The following MROH1 variants were observed in gnomAD, a reference collection of about 807,000 sequenced individuals.
MROH1 encodes maestro heat like repeat family member 1.
Under a neutral mutation model 116.5 loss-of-function variants are expected in MROH1, and 117 were observed. The observed-to-expected ratio is 1.00, with a 90% confidence interval of 0.86 to 1.17. The LOEUF (loss-of-function observed/expected upper bound fraction) is 1.17, where lower values mean the gene tolerates loss of function less well. Ranked by LOEUF, MROH1 falls within the 50% of genes most tolerant of loss-of-function variation. MROH1 has a pLI of 0.00. For missense variants in MROH1, 1,873 were observed against 1,338.5 expected, an observed-to-expected ratio of 1.40 and a Z score of -6.23; for synonymous variants, 921 against 583.9, an observed-to-expected ratio of 1.58 and a Z score of -8.32.
intron 10 of MROH1, among the ~76,000 whole-genome samples, chr8:144,195,032 A>T (rs1188564315): frequency 6.6e-6 from 1 of 151,620 alleles, no homozygotes; most frequent in African/African-American, 2.4e-5. Flanking sequence ...TACAATAGCA[A>T]CAGAAACTTA....
At chr8:144,251,066 G>C (rs1346557213) in intron 33 of MROH1, 1 of 161,254 alleles carries the variant, frequency 6.2e-6, no homozygotes, top group Non-Finnish European at 1.4e-5. Context: ...GCAAGGCAGA[G>C]TGACCCTTCC....
Position 144,261,285 on chromosome 8 carries a change from G to A in MROH1, c.4776G>A (p.Gly1592=). 6 of 742,330 alleles carry A rather than the reference G, an allele frequency of 8.1e-6. No individual in the cohort carries two copies. Among genetic ancestry groups the A allele is most frequent in the South Asian group, 5.6e-5 (4 of 71,284 alleles). The allele number at this position is 742,330 out of a possible 1,614,324, so 46.0% of individuals were successfully genotyped here. The part of the protein sequence containing the change: ...NVRAAAPLFT[G]FLVLHSEPRQ... ...CCGCCTGATGCCCCCACTTCACAGG[G>A]TTCCTGGTGCTGCACTCGGAGCCCA... The change falls in exon 43 of 44, where the codon GGG becomes GGA. Residue 1592 remains glycine, a splice_region_variant and synonymous_variant. Coordinates refer to ENST00000326134, the MANE Select transcript of MROH1 (RefSeq NM_032450.3).
At position 144,248,693 on chromosome 8, in the gene MROH1, GAGA is replaced by G. The variant is rs1477584111; in HGVS notation, c.3121-181_3121-179del. 2.0e-5 allele frequency among the ~76,000 whole-genome samples: 3 copies of G among 152,240 alleles called. No homozygotes were observed. The East Asian group carries it at 5.8e-4, about 29-fold the overall frequency. On this transcript the variant is annotated intron_variant, in intron 31 of 43. Coordinates refer to ENST00000326134, the MANE Select transcript of MROH1 (RefSeq NM_032450.3). ...TTCCAGCAGGCCCTGGCAGGTTCCG[GAGA>G]AGGAGACCCCACCCCCGTGCAGCGA... is the stretch of plus-strand genomic sequence containing the variant.
At chr8:144,156,645 G>T (rs1365374222) in intron 1 of MROH1, among the ~76,000 whole-genome samples, 1 of 122,550 alleles carries the variant, frequency 8.2e-6, no homozygotes, top group Non-Finnish European at 1.6e-5. Context: ...GGAGGCAGAG[G>T]TTGCAGTGAG....
intron 1 of MROH1, among the ~76,000 whole-genome samples, chr8:144,152,374 G>A (rs1817004251): frequency 7.2e-6 from 1 of 138,112 alleles, no homozygotes; most frequent in African/African-American, 2.6e-5. Flanking sequence ...TAACTGCCTT[G>A]TTTTTTTATT....
chr8:144,258,385 G>A (rs1261181676), intron 35 of MROH1, among the ~76,000 whole-genome samples: 2 of 152,220 alleles, frequency 1.3e-5, no homozygotes, highest in Non-Finnish European at 2.9e-5. Flanking sequence ...CTGGGGTACA[G>A]GTGTGAGAAC....
chr8:144,188,674 C>G (rs1441807618), intron 7 of MROH1, among the ~76,000 whole-genome samples: 1 of 151,880 alleles, frequency 6.6e-6, no homozygotes, highest in Non-Finnish European at 1.5e-5. Context: ...CAACATGTTG[C>G]CCAGGATGGT....
At chr8:144,205,678 T>G (rs1179158494) in intron 12 of MROH1, among the ~76,000 whole-genome samples, 2 of 152,142 alleles carry the variant, frequency 1.3e-5, no homozygotes, top group Non-Finnish European at 2.9e-5. Context: ...CTGTTTTATC[T>G]CAAGAGACCT....
intron 35 of MROH1, among the ~76,000 whole-genome samples, chr8:144,257,626 C>T (rs1005494026): frequency 6.6e-6 from 1 of 152,224 alleles, no homozygotes; most frequent in Non-Finnish European, 1.5e-5. Context: ...GGGCCTCACA[C>T]ACCATCCAGG....
chr8:144,180,309 G>A lies in MROH1; in HGVS notation c.432G>A (p.Leu144=). The A allele has an allele frequency of 6.2e-7, 1 of 1,606,942 alleles. No homozygotes were observed. Among genetic ancestry groups the A allele is most frequent in the Non-Finnish European group, 8.5e-7 (1 of 1,179,538 alleles). Residue 144 remains leucine, a synonymous_variant, in exon 6 of 44, where the codon CTG becomes CTA. Coordinates refer to ENST00000326134, the MANE Select transcript of MROH1 (RefSeq NM_032450.3). This position sits in a 1 kb window ranked among gnomAD's most constrained non-coding sequence, Gnocchi z 7.4. ...GGACCCTGCCACACTGCGCCGTGCT[G>A]CACACCCTCGCCAGCCTCTCGGTGG... ...HPGTLPHCAV[L]HTLASLSVAN... is the part of the protein sequence containing the mutation.
chr8:144,241,773 C>T (rs1032729394), intron 22 of MROH1, among the ~76,000 whole-genome samples: 3 of 152,340 alleles, frequency 2.0e-5, no homozygotes, highest in African/African-American at 7.2e-5. Context: ...GAGAGGGGTT[C>T]GCGGCTGGGG....
At chr8:144,259,773 C>T (rs542532639) in intron 37 of MROH1, 138 bp from the exon 38 acceptor site, 21 of 688,220 alleles carry the variant, frequency 3.1e-5, no homozygotes, top group African/African-American at 1.1e-4. Context: ...CGCCACTGAT[C>T]GGAGACCCAG....
Position 144,242,354 on chromosome 8 carries a change from C to T in MROH1, c.2179-15C>T. ...TTGTGTAACTGAAGTCCCGCTGGTTCCTCTGGCCTCTCAGGATCGAAGTGA... is the reference window on the plus strand; with the variant it reads ...TTGTGTAACTGAAGTCCCGCTGGTTTCTCTGGCCTCTCAGGATCGAAGTGA... On this transcript the variant is annotated splice_polypyrimidine_tract_variant and intron_variant, in intron 22 of 43. Transcript: ENST00000326134. 2.6e-6 allele frequency: 2 copies of T among 780,680 alleles called. No individual in the cohort carries two copies. The highest frequency in any genetic ancestry group is 4.8e-6 in the Non-Finnish European group (2 of 417,836). The allele number at this position is 780,680 out of a possible 1,614,324, so 48.4% of individuals were successfully genotyped here. A position where few individuals can be genotyped will look rare whatever the true frequency, so the allele number is the denominator to read the frequency against.
At chr8:144,173,589 C>T (rs1456889197) in intron 4 of MROH1, among the ~76,000 whole-genome samples, 1 of 151,884 alleles carries the variant, frequency 6.6e-6, no homozygotes, top group Admixed American at 6.6e-5. Flanking sequence ...CCACACCTGT[C>T]TCATTTTTTT....
At chr8:144,223,341 G>C in intron 14 of MROH1, 111 bp downstream of exon 14, 1 of 1,385,542 alleles carries the variant, frequency 7.2e-7, no homozygotes, top group Non-Finnish European at 9.7e-7. Flanking sequence ...GTGGGCTGCA[G>C]TCTGCGTGCG....
chr8:144,148,664 G>A (rs1815996177), intron 1 of MROH1: 1 of 152,714 alleles, frequency 6.5e-6, no homozygotes, highest in Admixed American at 6.5e-5. Context: ...ATAGCGTGCC[G>A]GGCATAGCGC....
At chr8:144,214,680 C>T (rs756273219) in intron 12 of MROH1, among the ~76,000 whole-genome samples, 12 of 152,286 alleles carry the variant, frequency 7.9e-5, no homozygotes, top group Non-Finnish European at 1.3e-4. Flanking sequence ...AGCCATTGTT[C>T]GTTCCCTTTG....
chr8:144,189,788 AGTCT>A (rs777445374), intron 7 of MROH1, among the ~76,000 whole-genome samples: 17 of 152,066 alleles, frequency 1.1e-4, no homozygotes, highest in East Asian at 5.8e-4. Context: ...GTGTGGCACA[AGTCT>A]GTCTGTGAGG....
At chr8:144,184,600 A>G (rs1826482216) in intron 7 of MROH1, among the ~76,000 whole-genome samples, 1 of 152,208 alleles carries the variant, frequency 6.6e-6, no homozygotes. Flanking sequence ...TCCATTAAAG[A>G]GTAAGGAGGT....
Sources: gnomAD v4.1 joint callset for allele counts (sites outside exome capture counted in the v4.1 genomes callset) on GRCh38, gnomAD v4.1.1 for gene constraint, Gnocchi (gnomAD v3.1) non-coding constraint, MANE v1.5 for transcripts, NCBI Gene and HGNC (gene_info 2026-07-23, HGNC 2026-07-21) for gene names.